Variants in SMAP2 observed in about 807,000 individuals in gnomAD.
The protein encoded by SMAP2 is stromal membrane-associated protein 2.
In SMAP2, 25 loss-of-function variants were observed where a neutral mutation model predicts 56.4. That is an observed-to-expected ratio of 0.44 (90% CI 0.32 to 0.62). The LOEUF is 0.62. Among genes scored for constraint, SMAP2 ranks in the 20% least tolerant of loss-of-function variants. The pLI is 0.04. For missense variants in SMAP2, 388 were observed against 545.6 expected (o/e 0.71, Z 2.88); for synonymous variants, 157 against 181.7 (o/e 0.86, Z 1.09).
rs754754859 is a variant in SMAP2, at chr1:40,415,354, A to C, written c.654A>C (p.Pro218=). 45 of 1,613,590 alleles carry C rather than the reference A, an allele frequency of 2.8e-5. 1 individual carries two copies. Among genetic ancestry groups the C allele is most frequent in the Admixed American group, 1.5e-4 (9 of 60,012 alleles). The change falls in exon 7 of 10, where the codon CCA becomes CCC. Residue 218 remains proline, a synonymous_variant. Transcript: ENST00000372718. ...EKDLDLLASV[P]SPSSSGSRKV... ...ATTTAGATCTGTTGGCCTCTGTTCC[A>C]TCCCCTTCTTCTTCCGGTTCCAGAA...
Position 40,413,039 on chromosome 1 carries a change from A to T in SMAP2, c.426A>T (p.Lys142Asn), listed in dbSNP as rs775498932. Residue 142 changes from lysine to asparagine, a missense_variant, in exon 5 of 10, where the codon AAA (lysine) becomes AAT (asparagine). Lys to Asn is a moderately conservative substitution (Grantham distance 94). Coordinates refer to ENST00000372718, the MANE Select transcript of SMAP2 (RefSeq NM_022733.3). Reference protein sequence around the residue: ...AFRKEKDDKWKRGSEPVPEKK... With the variant: ...AFRKEKDDKWNRGSEPVPEKK... ...AGAAAGAAAAAGATGACAAGTGGAA[A>T]AGAGGGAGCGAACCAGTTCCAGAAA... 5 of 1,612,790 alleles carry T rather than the reference A, an allele frequency of 3.1e-6. No homozygotes were observed. Among genetic ancestry groups the T allele is most frequent in the South Asian group, 1.1e-5 (1 of 90,936 alleles).
At position 40,395,468 on chromosome 1, in the gene SMAP2, G is replaced by A. The variant is rs140467131; in HGVS notation, c.104-11268G>A. Among the ~76,000 whole-genome samples, 41 of 152,112 alleles carry A rather than the reference G, an allele frequency of 2.7e-4. 2 individuals carry two copies. The East Asian group carries it at 7.9e-3, about 29-fold the overall frequency. On this transcript the variant is annotated intron_variant, in intron 1 of 9. Transcript: ENST00000372718. ...AGGCCAAGGTGGGAAGATCACTTGA[G>A]CCCAAGAGTTCAAAACCAGCCTGGG...
At chr1:40,358,317 T>C (rs1014993213) in intron 1 of SMAP2, among the ~76,000 whole-genome samples, 11 of 151,872 alleles carry the variant, frequency 7.2e-5, no homozygotes, top group African/African-American at 2.7e-4. Context: ...CCAAAGTAGG[T>C]GGATTACTTG....
In SMAP2 at chr1:40,416,168, G is replaced by A. The variant is rs1007263; in HGVS notation, c.682-8G>A. 0.1 allele frequency: 164,137 copies of A among 1,611,596 alleles called. 8,730 individuals carry two copies. Among genetic ancestry groups the A allele is most frequent in the East Asian group, 0.16 (7,004 of 44,814 alleles). On this transcript the variant is annotated splice_polypyrimidine_tract_variant and splice_region_variant and intron_variant, in intron 7 of 9. Coordinates refer to ENST00000372718, the MANE Select transcript of SMAP2 (RefSeq NM_022733.3). ...TTTCAATTCTCCCCCCGCCCTCTTT[G>A]CCCTAAGGTTGTAGGTTCCATGCCA...
chr1:40,393,584 C>T (rs1470617785), intron 1 of SMAP2: 21 of 1,356,216 alleles, frequency 1.5e-5, no homozygotes, highest in Admixed American at 9.9e-5. Context: ...CTTGCTCTGT[C>T]GCCCAGGCTG....
chr1:40,408,856 C>A lies in SMAP2; in HGVS notation c.323+118C>A. ...ATCTCTATGTGGATTAGTCAGTGTC[C>A]TTGCTTGTCCTCTGTCCTGCAATCA... On this transcript the variant is annotated intron_variant, in intron 3 of 9. Transcript: ENST00000372718. The surrounding 1 kb of genome is among the most constrained non-coding windows in gnomAD (Gnocchi z 4.3). 1.3e-6 allele frequency: 1 copy of A among 742,994 alleles called. No homozygotes were observed. The highest frequency in any genetic ancestry group is 1.7e-5 in the South Asian group (1 of 59,950). 46.0% of individuals were successfully genotyped at this position (742,994 alleles called of 1,614,324 possible).
At position 40,374,350 on chromosome 1, in the gene SMAP2, G is replaced by A. The variant is rs1192284944; in HGVS notation, c.103+127G>A. 6 of 806,272 alleles carry A rather than the reference G, an allele frequency of 7.4e-6. No homozygotes were observed. Among genetic ancestry groups the A allele is most frequent in the Middle Eastern group, 2.6e-4 (1 of 3,872 alleles). 49.9% of individuals were successfully genotyped at this position (806,272 alleles called of 1,614,324 possible). A position where few individuals can be genotyped will look rare whatever the true frequency, so the allele number is the denominator to read the frequency against. On this transcript the variant is annotated intron_variant, in intron 1 of 9. Coordinates refer to ENST00000372718, the MANE Select transcript of SMAP2 (RefSeq NM_022733.3). The surrounding 1 kb of genome is among the most constrained non-coding windows in gnomAD (Gnocchi z 5.9). ...GCTTATAAGTGGTAACGCGTGCTGCGCTTGCAGTGAGCCTACTGGGCTTTC... is the reference window on the plus strand; with the variant it reads ...GCTTATAAGTGGTAACGCGTGCTGCACTTGCAGTGAGCCTACTGGGCTTTC...
intron 1 of SMAP2, among the ~76,000 whole-genome samples, chr1:40,404,746 A>T (rs556779239): frequency 1.3e-5 from 2 of 152,336 alleles, no homozygotes; most frequent in East Asian, 1.9e-4. Context: ...CTTAGATCTT[A>T]TTGGAGTTCC....
chr1:40,391,326 C>T (rs1039994376), intron 1 of SMAP2, among the ~76,000 whole-genome samples: 4 of 152,148 alleles, frequency 2.6e-5, no homozygotes, highest in Non-Finnish European at 4.4e-5. Flanking sequence ...TGAATGCCGA[C>T]GCTTGATTAT....
At chr1:40,347,264 T>G (rs1336829199) in intron 1 of SMAP2, among the ~76,000 whole-genome samples, 1 of 150,092 alleles carries the variant, frequency 6.7e-6, no homozygotes, top group African/African-American at 2.5e-5. Flanking sequence ...TTTTTTTTTT[T>G]TTTTAAAGCA....
intron 4 of SMAP2, among the ~76,000 whole-genome samples, chr1:40,411,161 G>T (rs906135706): frequency 6.6e-6 from 1 of 152,146 alleles, no homozygotes; most frequent in African/African-American, 2.4e-5. Context: ...AGGTAAAAAT[G>T]ATTCCTTCTC....
At chr1:40,356,726 T>G (rs963189248) in intron 1 of SMAP2, among the ~76,000 whole-genome samples, 8 of 152,220 alleles carry the variant, frequency 5.3e-5, no homozygotes, top group African/African-American at 1.7e-4. Context: ...TTTAGTTTTT[T>G]GAGGAACCTC....
intron 4 of SMAP2, among the ~76,000 whole-genome samples, chr1:40,412,213 G>A (rs974457961): frequency 6.6e-6 from 1 of 151,926 alleles, no homozygotes; most frequent in Non-Finnish European, 1.5e-5. Flanking sequence ...TACAAGATAT[G>A]GTATCATCTA....
intron 1 of SMAP2, among the ~76,000 whole-genome samples, chr1:40,405,501 A>G (rs1249640348): frequency 6.6e-6 from 1 of 152,208 alleles, no homozygotes; most frequent in Non-Finnish European, 1.5e-5. Flanking sequence ...ATAAAAATTA[A>G]AAAATTAAAA....
Position 40,374,904 on chromosome 1 carries a change from AGTGGTG to A in SMAP2, c.103+683_103+688del. On this transcript the variant is annotated intron_variant, in intron 1 of 9. Coordinates refer to ENST00000372718, the MANE Select transcript of SMAP2 (RefSeq NM_022733.3). The surrounding 1 kb of genome is among the most constrained non-coding windows in gnomAD (Gnocchi z 5.9). ...AGAGTGCGTTGGAGGCCTATGTATG[AGTGGTG>A]GCAGAAACTAGCCGATTATGCCTGT... is the stretch of plus-strand genomic sequence containing the variant. The A allele has an allele frequency of 1.0e-6, 1 of 985,316 alleles. No individual in the cohort carries two copies. The highest frequency in any genetic ancestry group is 1.2e-6 in the Non-Finnish European group (1 of 829,902). 61.0% of individuals were successfully genotyped at this position (985,316 alleles called of 1,614,324 possible).
intron 1 of SMAP2, among the ~76,000 whole-genome samples, chr1:40,347,189 G>A (rs1231225947): frequency 2.0e-5 from 3 of 149,918 alleles, no homozygotes; most frequent in African/African-American, 4.9e-5. Context: ...GACCACAGGT[G>A]CACCACCACG....
intron 1 of SMAP2, among the ~76,000 whole-genome samples, chr1:40,399,310 A>ATTTTTTTTTTTTTTTTTTTTTT (rs747127620): frequency 6.5e-5 from 6 of 91,954 alleles, no homozygotes; most frequent in Admixed American, 1.4e-4. Context: ...ACGTGTGGCT[A>ATTTTTTTTTTTTTTTTTTTTTT]TTTTTTTTTT....
chr1:40,377,305 A>G (rs1207359170), intron 1 of SMAP2, among the ~76,000 whole-genome samples: 3 of 152,162 alleles, frequency 2.0e-5, no homozygotes, highest in African/African-American at 7.2e-5. Context: ...CTAAAACAAA[A>G]CACAACAAAT....
chr1:40,374,695 A>C lies in SMAP2; in HGVS notation c.103+472A>C. 6.5e-7 allele frequency: 1 copy of C among 1,550,152 alleles called. No homozygotes were observed. Among genetic ancestry groups the C allele is most frequent in the South Asian group, 1.2e-5 (1 of 84,034 alleles). On this transcript the variant is annotated intron_variant, in intron 1 of 9. Transcript: ENST00000372718. This position sits in a 1 kb window ranked among gnomAD's most constrained non-coding sequence, Gnocchi z 5.9. ...AGATGGCGGAAAGGAAAACTGCTTA[A>C]ATGATTTTTAAAGGTGGTGATTTTT...
Sources: gnomAD v4.1 joint callset for allele counts (sites outside exome capture counted in the v4.1 genomes callset) on GRCh38, gnomAD v4.1.1 for gene constraint, Gnocchi (gnomAD v3.1) non-coding constraint, MANE v1.5 for transcripts, NCBI Gene and HGNC (gene_info 2026-07-23, HGNC 2026-07-21) for gene names.